Variants in XPO6 observed in about 807,000 individuals in gnomAD.
The protein encoded by XPO6 is exportin-6.
In XPO6, 3 loss-of-function variants were observed where a neutral mutation model predicts 130.0. That is an observed-to-expected ratio of 0.02 (90% CI 0.01 to 0.06). The LOEUF is 0.06. XPO6 is among the 10% of genes least tolerant of loss of function. XPO6 has a pLI of 1.00. For missense variants in XPO6, 970 were observed against 1,393.0 expected (o/e 0.70, Z 4.83); for synonymous variants, 524 against 548.9 (o/e 0.95, Z 0.63).
intron 1 of XPO6, among the ~76,000 whole-genome samples, chr16:28,188,234 G>A (rs906457232): frequency 2.0e-5 from 3 of 152,134 alleles, no homozygotes; most frequent in Admixed American, 2.0e-4. Context: ...GGGCCAACAT[G>A]CCCAGCCAAA....
At chr16:28,150,249 G>T (rs1425790503) in intron 8 of XPO6, among the ~76,000 whole-genome samples, 1 of 152,194 alleles carries the variant, frequency 6.6e-6, no homozygotes, top group African/African-American at 2.4e-5. Flanking sequence ...CAGGAGAGCA[G>T]AAAGGAGCTC....
At chr16:28,194,644 GCCCTTCCCAGCTT>G (rs2043831422) in intron 1 of XPO6, among the ~76,000 whole-genome samples, 1 of 152,058 alleles carries the variant, frequency 6.6e-6, no homozygotes, top group Non-Finnish European at 1.5e-5. Flanking sequence ...CTGCACTAAA[GCCCTTCCCAGCTT>G]TGTGATTCTG....
Position 28,104,975 on chromosome 16 carries a change from G to A in XPO6, c.2785-268C>T, listed in dbSNP as rs566000368. Among the ~76,000 whole-genome samples the A allele has an allele frequency of 3.3e-4, 51 of 152,360 alleles. No individual in the cohort carries two copies. In the South Asian group the frequency reaches 7.7e-3, roughly 23 times the overall value. On this transcript the variant is annotated intron_variant, in intron 20 of 23. Transcript: ENST00000304658. ...GGCCCACATTTGAGAGAGAATGCAC[G>A]GGTCAGTGCCAAGGGCCCCTTTTTC... is the stretch of plus-strand genomic sequence containing the variant.
At chr16:28,190,781 A>G (rs2043773700) in intron 1 of XPO6, among the ~76,000 whole-genome samples, 1 of 152,210 alleles carries the variant, frequency 6.6e-6, no homozygotes, top group Non-Finnish European at 1.5e-5. Context: ...GATATAGGGC[A>G]ATGGACCATG....
intron 12 of XPO6, among the ~76,000 whole-genome samples, chr16:28,130,185 G>A (rs2042637317): frequency 6.6e-6 from 1 of 152,238 alleles, no homozygotes. Context: ...AGCCTTCCAG[G>A]CTGGGTAACC....
intron 6 of XPO6, chr16:28,165,326 CA>C (rs1361903520): frequency 6.6e-6 from 1 of 152,178 alleles, no homozygotes; most frequent in Non-Finnish European, 1.5e-5. Context: ...GAATCATTTC[CA>C]AATGTTTCTT....
chr16:28,107,411 G>T, intron 18 of XPO6, 111 bp downstream of exon 18: 1 of 1,299,024 alleles, frequency 7.7e-7, no homozygotes. Flanking sequence ...TCGTTGCACG[G>T]AACAAGTCAA....
At chr16:28,157,638 A>C (rs1259493613) in intron 6 of XPO6, among the ~76,000 whole-genome samples, 3 of 152,202 alleles carry the variant, frequency 2.0e-5, no homozygotes, top group Admixed American at 2.0e-4. Context: ...CCAGTACAAA[A>C]ACAGGCAGTT....
intron 5 of XPO6, 96 bp from the exon 6 acceptor site, chr16:28,166,681 T>C (rs1360818439): frequency 6.4e-5 from 98 of 1,528,414 alleles, no homozygotes; most frequent in Non-Finnish European, 8.1e-5. Flanking sequence ...TGATCAAACA[T>C]GAGTACTTGA....
chr16:28,098,692 C>CCA, intron 23 of XPO6, 53 bp from the exon 24 acceptor site: 1 of 1,386,402 alleles, frequency 7.2e-7, no homozygotes, highest in South Asian at 1.2e-5. Flanking sequence ...CACCCACCCA[C>CCA]CAGACCCCAA....
Position 28,156,251 on chromosome 16 carries a change from C to T in XPO6, c.920G>A (p.Arg307Gln), listed in dbSNP as rs753711514. 6.8e-6 allele frequency: 11 copies of T among 1,614,018 alleles called. No individual in the cohort carries two copies. The highest frequency in any genetic ancestry group is 9.3e-6 in the Non-Finnish European group (11 of 1,180,032). ...GCAGGACATGGCCAGGACCCCCAGC[C>T]GGCCGCGCTCCTGACCCGAGACACA... The part of the protein sequence containing the change: ...QNCVSGQERG[R>Q]LGVLAMSCIN... The change falls in exon 7 of 24, where the codon CGG (arginine) becomes CAG (glutamine). Residue 307 changes from arginine to glutamine, a missense_variant. Physicochemically the swap from Arg to Gln is conservative, Grantham distance 43. Around this residue, in one of 4 missense-constraint regions of XPO6, gnomAD observed 936 missense variants for 1,306.8 expected, o/e 0.72. Coordinates refer to ENST00000304658, the MANE Select transcript of XPO6 (RefSeq NM_015171.4).
chr16:28,187,597 G>T (rs2043716129), intron 1 of XPO6, among the ~76,000 whole-genome samples: 1 of 151,042 alleles, frequency 6.6e-6, no homozygotes. Flanking sequence ...TGTCAGGCAT[G>T]AAGTGTGGGC....
rs2141862181 is a variant in XPO6, at chr16:28,175,909, T to C, written c.394A>G (p.Asn132Asp). The change falls in exon 4 of 24, where the codon AAC becomes GAC. Residue 132 changes from asparagine (N) to aspartate (D), a missense_variant. By Grantham distance (23) the Asn-to-Asp change is conservative. Around this residue, in one of 4 missense-constraint regions of XPO6, gnomAD observed 936 missense variants for 1,306.8 expected, o/e 0.72. Transcript: ENST00000304658. ...AGGCATATCCTTACCTGTAAAATGT[T>C]AGTAAAAAAGTCGTGGTAGAACATG... ...WPMFYHDFFTNILQLIQSPVT... is the reference protein window; with the variant it reads ...WPMFYHDFFTDILQLIQSPVT... The C allele has an allele frequency of 2.5e-6, 4 of 1,614,022 alleles. No homozygotes were observed. Among genetic ancestry groups the C allele is most frequent in the Non-Finnish European group, 3.4e-6 (4 of 1,179,920 alleles).
chr16:28,154,775 A>G (rs1438184960), intron 7 of XPO6, among the ~76,000 whole-genome samples: 1 of 152,226 alleles, frequency 6.6e-6, no homozygotes, highest in African/African-American at 2.4e-5. Context: ...ATTAAAGTCA[A>G]AACAACTGAT....
chr16:28,125,885 G>C, intron 12 of XPO6, 37 bp from the exon 13 acceptor site: 1 of 1,601,100 alleles, frequency 6.2e-7, no homozygotes, highest in African/African-American at 1.3e-5. Context: ...TTCACAGGAA[G>C]ACCACGCTTT....
At chr16:28,139,047 C>A (rs1278116163) in intron 9 of XPO6, among the ~76,000 whole-genome samples, 6 of 152,140 alleles carry the variant, frequency 3.9e-5, no homozygotes. Flanking sequence ...TGCGACTCTT[C>A]CCCCAAAAAG....
At chr16:28,130,606 G>C (rs566584660) in intron 12 of XPO6, among the ~76,000 whole-genome samples, 1 of 152,318 alleles carries the variant, frequency 6.6e-6, no homozygotes, top group African/African-American at 2.4e-5. Flanking sequence ...GCATTTTTCT[G>C]GCCTGGGAGG....
At chr16:28,199,797 G>A (rs966255489) in intron 1 of XPO6, among the ~76,000 whole-genome samples, 8 of 151,914 alleles carry the variant, frequency 5.3e-5, no homozygotes, top group Non-Finnish European at 1.2e-4. Context: ...GCCCACCTTG[G>A]CCTCCCAAAG....
chr16:28,195,715 T>C (rs2043848557), intron 1 of XPO6, among the ~76,000 whole-genome samples: 1 of 152,180 alleles, frequency 6.6e-6, no homozygotes. Context: ...ATCACGCCAC[T>C]GCACTCCATC....
Sources: allele counts gnomAD v4.1 joint callset (sites outside exome capture counted in the v4.1 genomes callset), GRCh38; gene constraint gnomAD v4.1.1; regional missense constraint gnomAD v4.1.1; transcripts MANE v1.5; gene names NCBI Gene and HGNC (gene_info 2026-07-23, HGNC 2026-07-21).